AFAP1L2: variants seen among roughly 807,000 people sequenced by gnomAD.
The protein encoded by AFAP1L2 is actin filament associated protein 1 like 2.
In AFAP1L2, 46 loss-of-function variants were observed where a neutral mutation model predicts 99.3. The ratio of observed to expected loss-of-function variants is 0.46; its 90% CI spans 0.37 to 0.59. The LOEUF (loss-of-function observed/expected upper bound fraction) is 0.59. Among genes scored for constraint, AFAP1L2 ranks in the 20% least tolerant of loss-of-function variants. The pLI is 0.00. For missense variants in AFAP1L2, 959 were observed against 1,034.9 expected, an observed-to-expected ratio of 0.93 and a Z score of 1.01; for synonymous variants, 397 against 419.1, an observed-to-expected ratio of 0.95 and a Z score of 0.64.
chr10:114,345,012 G>A (rs1009832127), intron 1 of AFAP1L2, among the ~76,000 whole-genome samples: 12 of 151,110 alleles, frequency 7.9e-5, no homozygotes, highest in Admixed American at 6.6e-5. Flanking sequence ...CAGGAGAATC[G>A]CTTGAACCTG....
chr10:114,325,936 G>A (rs995316887), intron 4 of AFAP1L2: 1 of 1,289,348 alleles, frequency 7.8e-7, no homozygotes, highest in African/African-American at 1.5e-5. Flanking sequence ...GCCTGATCTG[G>A]CTGGGCCTCC....
chr10:114,287,000 C>G, the AFAP1L2 span, among the ~76,000 whole-genome samples: 1 of 152,174 alleles, frequency 6.6e-6, no homozygotes, highest in African/African-American at 2.4e-5. Flanking sequence ...ACAACTGAAA[C>G]AAACGCTTCC....
intron 1 of AFAP1L2, among the ~76,000 whole-genome samples, chr10:114,397,810 G>A (rs2057871315): frequency 6.6e-6 from 1 of 152,154 alleles, no homozygotes; most frequent in African/African-American, 2.4e-5. Context: ...CTGATTTGCA[G>A]TGTGCTGGGG....
At chr10:114,355,688 G>A (rs993740147) in intron 1 of AFAP1L2, among the ~76,000 whole-genome samples, 4 of 152,030 alleles carry the variant, frequency 2.6e-5, no homozygotes, top group Non-Finnish European at 4.4e-5. Flanking sequence ...AATTTCTGTC[G>A]GGTCCGGGCA....
intron 1 of AFAP1L2, chr10:114,362,855 ATCAG>A (rs2052639663): frequency 1.3e-6 from 1 of 781,280 alleles, no homozygotes; most frequent in Non-Finnish European, 1.6e-6. Flanking sequence ...TATATTTCAA[ATCAG>A]TCAGACAAAA....
At chr10:114,282,389 C>T in the AFAP1L2 span, 2 of 746,508 alleles carry the variant, frequency 2.7e-6, no homozygotes, top group African/African-American at 3.5e-5. Context: ...AGAAACAAAA[C>T]CAGGAAGTCT....
intron 2 of AFAP1L2, among the ~76,000 whole-genome samples, chr10:114,339,719 G>C (rs1201764262): frequency 6.6e-6 from 1 of 151,940 alleles, no homozygotes. Flanking sequence ...TCCTTATAAA[G>C]AGAGGAGATT....
intron 1 of AFAP1L2, among the ~76,000 whole-genome samples, chr10:114,382,009 T>C (rs1406123284): frequency 6.6e-6 from 1 of 152,188 alleles, no homozygotes; most frequent in Non-Finnish European, 1.5e-5. Flanking sequence ...GATGACTAAG[T>C]TTGATACCAA....
At chr10:114,314,621 T>G (rs1331569869) in intron 6 of AFAP1L2, among the ~76,000 whole-genome samples, 3 of 152,218 alleles carry the variant, frequency 2.0e-5, no homozygotes, top group Non-Finnish European at 4.4e-5. Context: ...GAAATAACAT[T>G]GGCACGGAGC....
intron 16 of AFAP1L2, among the ~76,000 whole-genome samples, chr10:114,299,037 T>C (rs2040699629): frequency 6.6e-6 from 1 of 152,234 alleles, no homozygotes; most frequent in Non-Finnish European, 1.5e-5. Flanking sequence ...CTGCTGGTCC[T>C]ATTGATGTTC....
intron 1 of AFAP1L2, among the ~76,000 whole-genome samples, chr10:114,378,519 T>A (rs1386851345): frequency 6.6e-6 from 1 of 152,236 alleles, no homozygotes; most frequent in Non-Finnish European, 1.5e-5. Flanking sequence ...ACGAATGTCT[T>A]CTAGTACAGT....
intron 11 of AFAP1L2, 92 bp from the exon 12 acceptor site, chr10:114,302,576 CT>C (rs1227611550): frequency 6.6e-7 from 1 of 1,516,332 alleles, no homozygotes; most frequent in African/African-American, 1.4e-5. Flanking sequence ...ACCCCTACCC[CT>C]GAGCCTGCCC....
At chr10:114,366,557 C>T (rs908649209) in intron 1 of AFAP1L2, among the ~76,000 whole-genome samples, 1 of 152,228 alleles carries the variant, frequency 6.6e-6, no homozygotes, top group Non-Finnish European at 1.5e-5. Context: ...GGAGCTCCAC[C>T]TTTCGAGGCA....
intron 15 of AFAP1L2, 90 bp downstream of exon 15, chr10:114,300,104 C>T: frequency 4.5e-6 from 7 of 1,557,972 alleles, no homozygotes; most frequent in Non-Finnish European, 8.8e-7. Flanking sequence ...AACGCCCTTT[C>T]ATATATACAT....
chr10:114,360,905 T>C (rs551394228), intron 1 of AFAP1L2, among the ~76,000 whole-genome samples: 3 of 152,288 alleles, frequency 2.0e-5, no homozygotes, highest in Admixed American at 2.0e-4. Flanking sequence ...ATTACAATGA[T>C]TTCCTCCTGC....
the AFAP1L2 span, chr10:114,289,722 A>G: frequency 5.3e-6 from 3 of 571,300 alleles, no homozygotes; most frequent in South Asian, 4.1e-5. Context: ...ACTCCCCCCA[A>G]ACTTGAGAAT....
downstream of AFAP1L2, chr10:114,291,522 GC>G (rs376276037): frequency 3.6e-4 from 152 of 417,148 alleles, no homozygotes; most frequent in African/African-American, 3.0e-3. Context: ...TACCTGCTGT[GC>G]CTTGTTGAGG....
At chr10:114,389,050 A>G (rs1032296542) in intron 1 of AFAP1L2, among the ~76,000 whole-genome samples, 1 of 152,184 alleles carries the variant, frequency 6.6e-6, no homozygotes, top group African/African-American at 2.4e-5. Context: ...CGGAAGACTT[A>G]AGCTTTAGTT....
chr10:114,346,399 C>T (rs1313643972), intron 1 of AFAP1L2, among the ~76,000 whole-genome samples: 5 of 152,150 alleles, frequency 3.3e-5, no homozygotes, highest in South Asian at 4.1e-4. Context: ...TTTGGGTGTC[C>T]GACAAGGTGC....
Sources: allele counts gnomAD v4.1 joint callset (sites outside exome capture counted in the v4.1 genomes callset), GRCh38; gene constraint gnomAD v4.1.1; transcripts MANE v1.5; gene names NCBI Gene and HGNC (gene_info 2026-07-23, HGNC 2026-07-21).